The following COL8A1 variants were observed in gnomAD, a reference collection of about 807,000 sequenced individuals.
The protein encoded by COL8A1 is collagen type VIII alpha 1 chain, also known as collagen alpha-1(VIII) chain.
Under a neutral mutation model 42.7 loss-of-function variants are expected in COL8A1, and 21 were observed. The ratio of observed to expected loss-of-function variants is 0.49; its 90% CI spans 0.35 to 0.71. The LOEUF (loss-of-function observed/expected upper bound fraction) is 0.71. Ranked by LOEUF, COL8A1 falls within the 30% of genes least tolerant of loss-of-function variation. The pLI, the probability that COL8A1 is intolerant of heterozygous loss-of-function variation, is 0.01. For synonymous variants in COL8A1, 367 were observed against 369.1 expected (o/e 0.99, Z 0.06); for missense variants, 788 against 962.4 (o/e 0.82, Z 2.40).
At position 99,658,129 on chromosome 3, in the gene COL8A1, C is replaced by CA. The variant is rs74267789; in HGVS notation, c.-129+19478dup. Among the ~76,000 whole-genome samples the CA allele has an allele frequency of 7.2e-3, 934 of 129,564 alleles. 7 individuals carry two copies. Among genetic ancestry groups the CA allele is most frequent in the African/African-American group, 0.017 (591 of 35,030 alleles). 85.0% of individuals were successfully genotyped at this position (129,564 alleles called of 152,430 possible). A position where few individuals can be genotyped will look rare whatever the true frequency, so the allele number is the denominator to read the frequency against. The stretch of plus-strand genomic sequence containing the variant: ...GACTCCATCTCAAAAAAACAAAAAA[C>CA]AAAAAAAAAAAAACACCTTTCAAAG... On this transcript the variant is annotated intron_variant, in intron 1 of 3. Transcript: ENST00000652472.
At position 99,794,698 on chromosome 3, in the gene COL8A1, T is replaced by C. The variant is rs1046330939; in HGVS notation, c.797T>C (p.Val266Ala). 6.2e-7 allele frequency: 1 copy of C among 1,612,914 alleles called. No individual in the cohort carries two copies. The highest frequency in any genetic ancestry group is 1.3e-5 in the African/African-American group (1 of 74,894). Residue 266 changes from valine to alanine, a missense_variant, in exon 4 of 4, where the codon GTT becomes GCT. Physicochemically the swap from Val to Ala is moderately conservative, Grantham distance 64 (BLOSUM62 0). This residue lies in a region of COL8A1 where 421 missense variants were observed against 553.1 expected (regional missense o/e 0.76). Coordinates refer to ENST00000652472, the MANE Select transcript of COL8A1 (RefSeq NM_020351.4). This position sits in a 1 kb window ranked among gnomAD's most constrained non-coding sequence, Gnocchi z 4.3. ...GGGATGCACGGCCCTCCCGGCCCTG[T>C]TGGACTGCCAGGAGTGGGCAAACCA... The part of the protein sequence containing the change: ...PPGMHGPPGP[V>A]GLPGVGKPGV...
intron 2 of COL8A1, among the ~76,000 whole-genome samples, chr3:99,749,671 T>G (rs1941099609): frequency 6.6e-6 from 1 of 152,162 alleles, no homozygotes; most frequent in South Asian, 2.1e-4. Context: ...TTGTTAAAAT[T>G]TACCTATTGT....
At chr3:99,737,692 C>T (rs1047359749) in intron 1 of COL8A1, among the ~76,000 whole-genome samples, 3 of 152,098 alleles carry the variant, frequency 2.0e-5, no homozygotes, top group Admixed American at 1.3e-4. Flanking sequence ...GTGAATCTGA[C>T]AATTATGTGT....
chr3:99,644,777 A>G (rs993756664), intron 1 of COL8A1, among the ~76,000 whole-genome samples: 1 of 152,210 alleles, frequency 6.6e-6, no homozygotes, highest in African/African-American at 2.4e-5. Flanking sequence ...CAATCACTTC[A>G]TGTGCTACTT....
chr3:99,785,077 T>C (rs915653467), intron 2 of COL8A1, among the ~76,000 whole-genome samples: 2 of 152,212 alleles, frequency 1.3e-5, no homozygotes, highest in Admixed American at 6.5e-5. Flanking sequence ...AATAGTAAAC[T>C]GCATGTGCAC....
chr3:99,673,806 T>C (rs1376870859), intron 1 of COL8A1, among the ~76,000 whole-genome samples: 1 of 152,010 alleles, frequency 6.6e-6, no homozygotes, highest in Non-Finnish European at 1.5e-5. Context: ...TTACTACTGA[T>C]TGTGTGACGT....
chr3:99,716,861 T>A (rs1940013474), intron 1 of COL8A1, among the ~76,000 whole-genome samples: 1 of 152,044 alleles, frequency 6.6e-6, no homozygotes, highest in African/African-American at 2.4e-5. Flanking sequence ...CCCGTTTAAA[T>A]TCCAGCCATG....
At chr3:99,784,582 TGTAGGC>T (rs1222679442) in intron 2 of COL8A1, among the ~76,000 whole-genome samples, 2 of 152,204 alleles carry the variant, frequency 1.3e-5, no homozygotes, top group Non-Finnish European at 2.9e-5. Flanking sequence ...TACTGAGTGC[TGTAGGC>T]AACTGTAACA....
chr3:99,785,499 A>G (rs912858793), intron 2 of COL8A1, among the ~76,000 whole-genome samples: 1 of 152,204 alleles, frequency 6.6e-6, no homozygotes, highest in Non-Finnish European at 1.5e-5. Context: ...GAAGGTGGGG[A>G]AGGCTTCACA....
At chr3:99,655,259 C>G (rs1937980741) in intron 1 of COL8A1, among the ~76,000 whole-genome samples, 1 of 152,176 alleles carries the variant, frequency 6.6e-6, no homozygotes, top group African/African-American at 2.4e-5. Flanking sequence ...ATAACTAATT[C>G]AAGACCCATC....
chr3:99,714,970 C>T (rs778067369), intron 1 of COL8A1, among the ~76,000 whole-genome samples: 52 of 152,082 alleles, frequency 3.4e-4, no homozygotes, highest in Non-Finnish European at 6.0e-4. Context: ...ATTGTAAATG[C>T]GAAGTCCTTA....
chr3:99,681,140 A>G (rs1007392215), intron 1 of COL8A1, among the ~76,000 whole-genome samples: 1 of 152,188 alleles, frequency 6.6e-6, no homozygotes, highest in Non-Finnish European at 1.5e-5. Flanking sequence ...TTGACAAATG[A>G]GATCTAATTA....
intron 1 of COL8A1, among the ~76,000 whole-genome samples, chr3:99,667,587 A>C (rs1297724269): frequency 6.6e-6 from 1 of 152,136 alleles, no homozygotes; most frequent in Admixed American, 6.5e-5. Flanking sequence ...TTTAGAGTGA[A>C]TTTGATCACT....
intron 1 of COL8A1, among the ~76,000 whole-genome samples, chr3:99,642,851 A>G (rs1204754625): frequency 1.3e-5 from 2 of 152,200 alleles, no homozygotes; most frequent in South Asian, 2.1e-4. Context: ...ACATTTTTCT[A>G]AACTTTAATT....
At chr3:99,763,485 G>A (rs1041234160) in intron 2 of COL8A1, among the ~76,000 whole-genome samples, 5 of 152,046 alleles carry the variant, frequency 3.3e-5, no homozygotes, top group East Asian at 3.9e-4. Context: ...TACCTACATC[G>A]CACTTACTTC....
At chr3:99,714,131 G>A (rs531704328) in intron 1 of COL8A1, among the ~76,000 whole-genome samples, 3 of 152,062 alleles carry the variant, frequency 2.0e-5, no homozygotes, top group Admixed American at 6.6e-5. Context: ...CTCCCTGGAC[G>A]TGTCTAAAAA....
intron 1 of COL8A1, among the ~76,000 whole-genome samples, chr3:99,737,851 T>G (rs1047969336): frequency 6.6e-6 from 1 of 151,900 alleles, no homozygotes; most frequent in African/African-American, 2.4e-5. Context: ...TCCCCATCAC[T>G]TTCAGGTACA....
chr3:99,774,001 C>T (rs779324366), intron 2 of COL8A1, among the ~76,000 whole-genome samples: 6 of 149,904 alleles, frequency 4.0e-5, no homozygotes, highest in African/African-American at 1.2e-4. Context: ...CCCACCACCA[C>T]GCCCAGCTAA....
At chr3:99,663,964 T>A (rs1333386795) in intron 1 of COL8A1, among the ~76,000 whole-genome samples, 1 of 152,172 alleles carries the variant, frequency 6.6e-6, no homozygotes, top group Non-Finnish European at 1.5e-5. Context: ...GGACACTCCC[T>A]CACAATTCAT....
Sources: allele counts gnomAD v4.1 joint callset (sites outside exome capture counted in the v4.1 genomes callset), GRCh38; gene constraint gnomAD v4.1.1; regional missense constraint gnomAD v4.1.1; non-coding constraint Gnocchi (gnomAD v3.1); transcripts MANE v1.5; gene names NCBI Gene and HGNC (gene_info 2026-07-23, HGNC 2026-07-21).